FCRL5: variants seen among roughly 807,000 people sequenced by gnomAD.
FCRL5 encodes Fc receptor like 5.
FCRL5 carries 79 observed loss-of-function variants against 92.1 expected under a neutral mutation model. The ratio of observed to expected loss-of-function variants is 0.86; its 90% CI spans 0.72 to 1.03. FCRL5 has a LOEUF of 1.03. FCRL5 is among the 50% of genes least tolerant of loss of function. The probability of loss-of-function intolerance (pLI) is 0.00; values close to 1 mark genes in which losing one functional copy is unlikely to be tolerated. For missense variants in FCRL5, 1,160 were observed against 1,181.1 expected (o/e 0.98, Z 0.26); for synonymous variants, 466 against 469.3 (o/e 0.99, Z 0.09).
At chr1:157,528,016 G>A (rs957866851) in intron 8 of FCRL5, 121 bp from the exon 9 acceptor site, 42 of 1,186,672 alleles carry the variant, frequency 3.5e-5, no homozygotes, top group Non-Finnish European at 4.7e-5. Flanking sequence ...TAAAGAGGAA[G>A]AAGTCAAATT....
chr1:157,541,200 G>A (rs780412673), intron 6 of FCRL5, among the ~76,000 whole-genome samples: 32 of 152,130 alleles, frequency 2.1e-4, no homozygotes, highest in Admixed American at 5.9e-4. Context: ...TGCTTCAACC[G>A]GAGTCCTTCC....
chr1:157,534,364 G>A (rs1650836425), intron 8 of FCRL5: 2 of 714,826 alleles, frequency 2.8e-6, no homozygotes, highest in African/African-American at 1.7e-5. Flanking sequence ...GAACATACAA[G>A]GAATGAGGAG....
chr1:157,544,570 C>T, intron 4 of FCRL5, 24 bp from the exon 5 acceptor site: 1 of 1,607,716 alleles, frequency 6.2e-7, no homozygotes, highest in Non-Finnish European at 8.5e-7. Context: ...TCACAACAGT[C>T]CCAGAGCAAT....
chr1:157,524,582 T>C, intron 9 of FCRL5, 25 bp from the exon 10 acceptor site: 1 of 1,545,958 alleles, frequency 6.5e-7, no homozygotes, highest in Non-Finnish European at 8.7e-7. Flanking sequence ...ACGTTATGTA[T>C]CAGCTGCTTC....
intron 8 of FCRL5, chr1:157,533,633 T>G (rs1650799001): frequency 6.6e-6 from 1 of 152,268 alleles, no homozygotes; most frequent in South Asian, 2.1e-4. Flanking sequence ...GATGCAGTTC[T>G]GTTCTCATGA....
Position 157,516,292 on chromosome 1 carries a change from A to G in FCRL5, c.2813-419T>C, listed in dbSNP as rs137911138. The stretch of plus-strand genomic sequence containing the variant: ...TCTTGTCACCTCCGTGGTTGGGGGA[A>G]GTCACTCAACATCTCTTGCCTCAGT... On this transcript the variant is annotated intron_variant, in intron 15 of 16. Coordinates refer to ENST00000361835, the MANE Select transcript of FCRL5 (RefSeq NM_031281.3). Among the ~76,000 whole-genome samples, 15 of 152,168 alleles carry G rather than the reference A, an allele frequency of 9.9e-5. No homozygotes were observed. The East Asian group carries it at 2.7e-3, about 27-fold the overall frequency.
chr1:157,522,473 T>C (rs188766731), intron 10 of FCRL5: 1 of 152,342 alleles, frequency 6.6e-6, no homozygotes, highest in Non-Finnish European at 1.5e-5. Flanking sequence ...TCAGTCTCTT[T>C]TCCGCAAATA....
intron 2 of FCRL5, among the ~76,000 whole-genome samples, chr1:157,547,963 C>G (rs921228805): frequency 3.9e-5 from 6 of 152,224 alleles, no homozygotes; most frequent in African/African-American, 1.4e-4. Context: ...TATTGGATGT[C>G]CTGGAGGATT....
At chr1:157,519,602 G>T in intron 13 of FCRL5, 141 bp downstream of exon 13, 1 of 841,716 alleles carries the variant, frequency 1.2e-6, no homozygotes, top group Non-Finnish European at 2.0e-6. Flanking sequence ...ATATCCCCAG[G>T]GACGTACAAC....
At position 157,544,325 on chromosome 1, in the gene FCRL5, T is replaced by C. The variant is rs1651417755; in HGVS notation, c.781A>G (p.Lys261Glu). The C allele has an allele frequency of 6.2e-7, 1 of 1,614,158 alleles. No individual in the cohort carries two copies. ...WSKDSGFYWCKAATMPYSVIS... is the reference protein window; with the variant it reads ...WSKDSGFYWCEAATMPYSVIS... ...ACGCTGTAAGGCATTGTTGCTGCCT[T>C]ACACCAGTAGAACCCTGAATCTTTA... The change falls in exon 5 of 17, where the codon AAG becomes GAG. Residue 261 changes from lysine (K) to glutamate (E), a missense_variant. Lys to Glu is a moderately conservative substitution (Grantham distance 56, BLOSUM62 1). Transcript: ENST00000361835.
Position 157,527,842 on chromosome 1 carries a change from C to A in FCRL5, c.1735G>T (p.Val579Leu). The A allele has an allele frequency of 1.2e-6, 2 of 1,610,958 alleles. No individual in the cohort carries two copies. Among genetic ancestry groups the A allele is most frequent in the Non-Finnish European group, 1.7e-6 (2 of 1,178,230 alleles). ...CAGTGAAGCTCCAGCAGGTCCCCCA[C>A]CACAGCCTGGGCCCTGGGAACCCTG... is the stretch of plus-strand genomic sequence containing the variant. ...TLRVPRAQAV[V>L]GDLLELHCEA... Residue 579 changes from valine to leucine, a missense_variant, in exon 9 of 17, where the codon GTG becomes TTG. Coordinates refer to ENST00000361835, the MANE Select transcript of FCRL5 (RefSeq NM_031281.3).
intron 13 of FCRL5, chr1:157,519,186 A>G (rs993067380): frequency 2.8e-5 from 5 of 176,874 alleles, no homozygotes; most frequent in Admixed American, 2.2e-4. Flanking sequence ...GGTGCTCTAC[A>G]TGTTTGGATG....
intron 8 of FCRL5, chr1:157,534,411 G>A: frequency 1.4e-6 from 1 of 720,836 alleles, no homozygotes; most frequent in South Asian, 1.5e-5. Flanking sequence ...TAAAAGCTGG[G>A]GAATCTACTG....
At chr1:157,518,638 C>T in intron 14 of FCRL5, 62 bp downstream of exon 14, 1 of 1,517,360 alleles carries the variant, frequency 6.6e-7, no homozygotes, top group Non-Finnish European at 9.1e-7. Context: ...CCATCTCCTG[C>T]CCCACCGCTT....
intron 2 of FCRL5, 43 bp from the exon 3 acceptor site, chr1:157,547,240 C>A (rs771494505): frequency 1.2e-6 from 2 of 1,606,832 alleles, no homozygotes; most frequent in Admixed American, 1.7e-5. Flanking sequence ...GAGGCGCCTG[C>A]AGACCCAGCC....
intron 7 of FCRL5, 62 bp downstream of exon 7, chr1:157,539,024 A>T (rs1459610341): frequency 6.4e-7 from 1 of 1,554,200 alleles, no homozygotes; most frequent in South Asian, 1.2e-5. Context: ...TGACTTCTGA[A>T]GGGTTGGGTA....
chr1:157,540,525 TAAA>T (rs536172209), intron 6 of FCRL5, among the ~76,000 whole-genome samples: 1 of 142,354 alleles, frequency 7.0e-6, no homozygotes. Flanking sequence ...TCTCCATGTT[TAAA>T]AAAAAAAAAA....
chr1:157,544,265 G>A lies in FCRL5; in HGVS notation c.841C>T (p.Gln281Ter). 2 of 1,613,958 alleles carry A rather than the reference G, an allele frequency of 1.2e-6. No homozygotes were observed. The highest frequency in any genetic ancestry group is 1.7e-6 in the Non-Finnish European group (2 of 1,179,858). ...CTCAGGTTCCACCAACACTTACTCT[G>A]CACCTGTATCCAGGATCTCGGGCTG... Reference protein sequence around the residue: ...SDSPRSWIQVQIPASHPVLTL... With the variant: ...SDSPRSWIQV The change falls in exon 5 of 17, where the codon CAG (glutamine) becomes TAG (stop). Residue 281 changes from glutamine (Q) to a stop codon, truncating the protein, a stop_gained. Coordinates refer to ENST00000361835, the MANE Select transcript of FCRL5 (RefSeq NM_031281.3). LOFTEE classifies it high-confidence loss of function.
At chr1:157,523,541 A>G (rs1428143658) in intron 10 of FCRL5, among the ~76,000 whole-genome samples, 2 of 152,228 alleles carry the variant, frequency 1.3e-5, no homozygotes, top group African/African-American at 4.8e-5. Flanking sequence ...TACTTTTGCT[A>G]AACACCAGTT....
Sources: gnomAD v4.1 joint callset for allele counts (sites outside exome capture counted in the v4.1 genomes callset) on GRCh38, gnomAD v4.1.1 for gene constraint, MANE v1.5 for transcripts, NCBI Gene and HGNC (gene_info 2026-07-23, HGNC 2026-07-21) for gene names.